The following NEDD4 variants were observed in gnomAD, a reference collection of about 807,000 sequenced individuals.
The protein encoded by NEDD4 is E3 ubiquitin-protein ligase NEDD4.
In NEDD4, 99 loss-of-function variants were observed where a neutral mutation model predicts 144.9. That is an observed-to-expected ratio of 0.68 (90% confidence interval 0.58 to 0.81). The LOEUF (loss-of-function observed/expected upper bound fraction) is 0.81. Among genes scored for constraint, NEDD4 ranks in the 30% least tolerant of loss-of-function variants. The pLI, the probability that NEDD4 is intolerant of heterozygous loss-of-function variation, is 0.00. For synonymous variants in NEDD4, 318 were observed against 350.6 expected, an observed-to-expected ratio of 0.91 and a Z score of 1.04; for missense variants, 985 against 1,065.9, an observed-to-expected ratio of 0.92 and a Z score of 1.06.
intron 1 of NEDD4, among the ~76,000 whole-genome samples, chr15:55,979,085 C>T (rs1004749298): frequency 2.6e-5 from 4 of 151,668 alleles, no homozygotes; most frequent in African/African-American, 9.7e-5. Flanking sequence ...ATATATACCC[C>T]ATTTTTACTT....
At chr15:55,934,860 C>CTTTTTTTTTTTTTT (rs564385465) in intron 4 of NEDD4, 1 of 80,838 alleles carries the variant, frequency 1.2e-5, no homozygotes, top group Non-Finnish European at 2.1e-5. Flanking sequence ...CAATGTTCTG[C>CTTTTTTTTTTTTTT]TTTTTTTTTT....
chr15:55,985,111 C>T (rs1240615531), intron 1 of NEDD4, among the ~76,000 whole-genome samples: 1 of 152,224 alleles, frequency 6.6e-6, no homozygotes, highest in African/African-American at 2.4e-5. Flanking sequence ...ACAAAAGAAT[C>T]CCATTTTCTA....
intron 8 of NEDD4, among the ~76,000 whole-genome samples, chr15:55,863,373 A>G (rs1201701118): frequency 6.6e-6 from 1 of 152,196 alleles, no homozygotes; most frequent in Non-Finnish European, 1.5e-5. Context: ...TTCCTGGGTG[A>G]CAGAACCAGA....
chr15:55,841,078 C>T (rs1449091067), intron 19 of NEDD4, among the ~76,000 whole-genome samples: 8 of 152,250 alleles, frequency 5.3e-5, no homozygotes, highest in East Asian at 1.9e-4. Flanking sequence ...GAATTACAGG[C>T]GCCCGCCACC....
intron 5 of NEDD4, among the ~76,000 whole-genome samples, chr15:55,897,797 T>C (rs2035785601): frequency 6.6e-6 from 1 of 152,232 alleles, no homozygotes; most frequent in Non-Finnish European, 1.5e-5. Context: ...TTGCTTCAAG[T>C]TGTGGCAAGT....
rs762059589 is a variant in NEDD4, at chr15:55,838,502, C to G, written c.2127+7G>C. ...TGTGCCATTTTAACTGATCAAAATT[C>G]ACAAACCTGTCCAAAAAGTTCTTCA... On this transcript the variant is annotated splice_region_variant and intron_variant, in intron 22 of 28. Coordinates refer to ENST00000435532, the MANE Select transcript of NEDD4 (RefSeq NM_006154.4). 4 of 1,601,486 alleles carry G rather than the reference C, an allele frequency of 2.5e-6. No individual in the cohort carries two copies. In the South Asian group the frequency reaches 4.4e-5, roughly 18 times the overall value.
chr15:55,871,342 T>C (rs530961961), intron 7 of NEDD4, among the ~76,000 whole-genome samples: 1 of 152,344 alleles, frequency 6.6e-6, no homozygotes, highest in African/African-American at 2.4e-5. Flanking sequence ...AATTTAGGAA[T>C]GTAGTACATT....
At chr15:55,993,430 G>A in intron 1 of NEDD4, 81 bp downstream of exon 1, 3 of 1,534,970 alleles carry the variant, frequency 2.0e-6, no homozygotes, top group Non-Finnish European at 2.7e-6. Flanking sequence ...CTCCGGTCGT[G>A]GCCGCCGCCG....
rs1336662656 is a variant in NEDD4 at position 55,872,472 on chromosome 15, T to G, written c.347A>C (p.Glu116Ala). The change falls in exon 7 of 29, where the codon GAA (glutamate) becomes GCA (alanine). Residue 116 changes from glutamate (E) to alanine (A), a missense_variant. Glu to Ala is a moderately radical substitution (Grantham distance 107). Coordinates refer to ENST00000435532, the MANE Select transcript of NEDD4 (RefSeq NM_006154.4). ...ATATGGTCTCTCCAATCTTGGATTT[T>G]CTGTCTAGAATAAAATAGTGGGTTT... ...VDVPLYPLPT[E>A]NPRLERPYTF... 1 of 1,438,228 alleles carries G rather than the reference T, an allele frequency of 7.0e-7. No homozygotes were observed. The highest frequency in any genetic ancestry group is 2.7e-5 in the East Asian group (1 of 37,652). The allele number at this position is 1,438,228 out of a possible 1,614,324, so 89.1% of individuals were successfully genotyped here.
At chr15:55,988,974 G>A (rs1334104680) in intron 1 of NEDD4, among the ~76,000 whole-genome samples, 1 of 152,190 alleles carries the variant, frequency 6.6e-6, no homozygotes, top group Non-Finnish European at 1.5e-5. Context: ...GGTGCCTCAC[G>A]CCTATAATCC....
intron 2 of NEDD4, among the ~76,000 whole-genome samples, chr15:55,957,201 G>C (rs569712935): frequency 6.6e-6 from 1 of 152,250 alleles, no homozygotes; most frequent in African/African-American, 2.4e-5. Flanking sequence ...TTTTTCTGTA[G>C]ATTCCTTGGG....
intron 5 of NEDD4, chr15:55,916,903 G>T: frequency 2.0e-6 from 3 of 1,517,390 alleles, no homozygotes; most frequent in Non-Finnish European, 2.6e-6. Context: ...CAGGCTAGAA[G>T]CAGCTGCACT....
rs567932839 is a variant in NEDD4, at chr15:55,842,342, C to T, written c.1609-179G>A. ...TCTTGGTTTCCTCTATGGTATGAGACAGTTTCTGCATTTTCTTTAATCACT... is the reference window on the plus strand; with the variant it reads ...TCTTGGTTTCCTCTATGGTATGAGATAGTTTCTGCATTTTCTTTAATCACT... On this transcript the variant is annotated intron_variant, in intron 18 of 28. Coordinates refer to ENST00000435532, the MANE Select transcript of NEDD4 (RefSeq NM_006154.4). 3.3e-5 allele frequency among the ~76,000 whole-genome samples: 5 copies of T among 152,250 alleles called. No individual in the cohort carries two copies. In the East Asian group the frequency reaches 9.6e-4, roughly 29 times the overall value.
intron 5 of NEDD4, among the ~76,000 whole-genome samples, chr15:55,902,550 G>T (rs2035944502): frequency 6.6e-6 from 1 of 152,120 alleles, no homozygotes; most frequent in Non-Finnish European, 1.5e-5. Flanking sequence ...ACAAAATGTT[G>T]ATATATTTTA....
Position 55,834,219 on chromosome 15 carries a change from T to C in NEDD4, c.2322+8A>G, listed in dbSNP as rs773812177. 1 of 1,609,002 alleles carries C rather than the reference T, an allele frequency of 6.2e-7. No homozygotes were observed. Among genetic ancestry groups the C allele is most frequent in the Non-Finnish European group, 8.5e-7 (1 of 1,175,614 alleles). Reference sequence around the variant, plus strand: ...ATTTCTGTTTCAACATAAAATGTTATGTCTTACCTCTAGTTCATTTTCATC... The same window carrying C: ...ATTTCTGTTTCAACATAAAATGTTACGTCTTACCTCTAGTTCATTTTCATC... On this transcript the variant is annotated splice_region_variant and intron_variant, in intron 25 of 28. Transcript: ENST00000435532.
chr15:55,906,687 C>T (rs536823762), intron 5 of NEDD4, among the ~76,000 whole-genome samples: 8 of 152,052 alleles, frequency 5.3e-5, no homozygotes, highest in Admixed American at 1.3e-4. Flanking sequence ...ATGTAAATGA[C>T]GAGTTAATGG....
At chr15:55,927,094 AAAAAAG>A (rs1190049010) in intron 4 of NEDD4, among the ~76,000 whole-genome samples, 1 of 147,108 alleles carries the variant, frequency 6.8e-6, no homozygotes, top group Non-Finnish European at 1.5e-5. Context: ...AAAAAAAAAA[AAAAAAG>A]AAAGAAAGAA....
chr15:55,988,487 TAAAAA>T (rs56688563), intron 1 of NEDD4, among the ~76,000 whole-genome samples: 6 of 101,712 alleles, frequency 5.9e-5, no homozygotes, highest in African/African-American at 1.7e-4. Context: ...AAAAAAAAAT[TAAAAA>T]AAAAAAAAAA....
At chr15:55,877,466 C>T (rs1352857476) in intron 5 of NEDD4, among the ~76,000 whole-genome samples, 12 of 152,180 alleles carry the variant, frequency 7.9e-5, no homozygotes, top group African/African-American at 2.9e-4. Context: ...TGTTGCATTA[C>T]TAATGGTATT....
Sources: allele counts gnomAD v4.1 joint callset (sites outside exome capture counted in the v4.1 genomes callset), GRCh38; gene constraint gnomAD v4.1.1; transcripts MANE v1.5; gene names NCBI Gene and HGNC (gene_info 2026-07-23, HGNC 2026-07-21).